The following TMEM132A variants were observed in gnomAD, a reference collection of about 807,000 sequenced individuals.
TMEM132A encodes transmembrane protein 132A.
Under a neutral mutation model 69.9 loss-of-function variants are expected in TMEM132A, and 48 were observed. The ratio of observed to expected loss-of-function variants is 0.69; its 90% confidence interval spans 0.55 to 0.87. TMEM132A has a LOEUF of 0.87. TMEM132A is among the 40% of genes least tolerant of loss of function. TMEM132A has a pLI of 0.00. For synonymous variants in TMEM132A, 577 were observed against 613.7 expected (o/e 0.94, Z 0.88); for missense variants, 1,287 against 1,407.2 (o/e 0.91, Z 1.37).
Position 60,935,663 on chromosome 11 carries a change from T to A in TMEM132A, c.2029-201T>A. On this transcript the variant is annotated intron_variant, in intron 10 of 10. Transcript: ENST00000453848. This position sits in a 1 kb window ranked among gnomAD's most constrained non-coding sequence, Gnocchi z 5.0. ...GTTAGATGGCTCTAACTGAGGACCC[T>A]CCCAATAACTCAGACCCTAGGGCTG... is the stretch of plus-strand genomic sequence containing the variant. 1 of 774,746 alleles carries A rather than the reference T, an allele frequency of 1.3e-6. No individual in the cohort carries two copies. The highest frequency in any genetic ancestry group is 2.9e-5 in the Admixed American group (1 of 34,900). 48.0% of individuals were successfully genotyped at this position (774,746 alleles called of 1,614,324 possible).
At chr11:60,934,375 C>G in intron 8 of TMEM132A, 113 bp from the exon 9 acceptor site, 8 of 983,280 alleles carry the variant, frequency 8.1e-6, no homozygotes, top group Non-Finnish European at 9.5e-6. Flanking sequence ...GAAACAGGAG[C>G]TGCTGGTGAT....
intron 4 of TMEM132A, among the ~76,000 whole-genome samples, chr11:60,929,732 C>G (rs923914607): frequency 7.2e-5 from 11 of 152,168 alleles, no homozygotes; most frequent in Non-Finnish European, 1.3e-4. Flanking sequence ...GTTTCAAGCC[C>G]TGCCTGGGTT....
Position 60,936,762 on chromosome 11 carries a change from C to T in TMEM132A, c.2927C>T (p.Ser976Leu), listed in dbSNP as rs780475521. Residue 976 changes from serine to leucine, a missense_variant, in exon 11 of 11, where the codon TCA becomes TTA. Ser to Leu is a moderately radical substitution (Grantham distance 145). Coordinates refer to ENST00000453848, the MANE Select transcript of TMEM132A (RefSeq NM_178031.3). ...VTFAPAPPAQ[S>L]PEEPVGAPAV... Reference sequence around the variant, plus strand: ...TTTGCGCCAGCCCCTCCAGCCCAGTCACCTGAGGAGCCTGTAGGGGCCCCT... The same window carrying T: ...TTTGCGCCAGCCCCTCCAGCCCAGTTACCTGAGGAGCCTGTAGGGGCCCCT... 14 of 1,611,222 alleles carry T rather than the reference C, an allele frequency of 8.7e-6. No homozygotes were observed. Among genetic ancestry groups the T allele is most frequent in the Non-Finnish European group, 9.3e-6 (11 of 1,179,030 alleles).
chr11:60,927,175 C>G, intron 1 of TMEM132A, 29 bp from the exon 2 acceptor site: 1 of 1,587,628 alleles, frequency 6.3e-7, no homozygotes, highest in Non-Finnish European at 8.6e-7. Context: ...CTGGAGCTGT[C>G]ATCATCTCTC....
intron 2 of TMEM132A, 85 bp downstream of exon 2, chr11:60,927,503 C>T (rs1856372663): frequency 6.9e-7 from 1 of 1,449,974 alleles, no homozygotes; most frequent in Non-Finnish European, 9.4e-7. Context: ...CCTTCCCCAG[C>T]CCCGGCTGTG....
chr11:60,936,535 TGACCAGGAGGAACTGAGCCGCCAGCTG>T lies in TMEM132A; in HGVS notation c.2705_2731del (p.Gln902_Asp910del). ...CCCACAACTGGGTCTGGCTGGGCACTGACCAGGAGGAACTGAGCCGCCAGCTGGACCGGCAGTCCCCTGGCCCGCCCA... is the reference window on the plus strand; with the variant it reads ...CCCACAACTGGGTCTGGCTGGGCACTGACCGGCAGTCCCCTGGCCCGCCCA... On this transcript the variant is annotated inframe_deletion, in exon 11 of 11. Transcript: ENST00000453848. 6.2e-7 allele frequency: 1 copy of T among 1,613,238 alleles called. No individual in the cohort carries two copies. Among genetic ancestry groups the T allele is most frequent in the South Asian group, 1.1e-5 (1 of 91,072 alleles).
chr11:60,936,087 G>T lies in TMEM132A; in HGVS notation c.2252G>T (p.Gly751Val). ...CACCCGCCCGAGCCCTGCCGCCGGG[G>T]CCGCCACCGTGTGCCTCTGGCCTCT... ...ALHPPEPCRR[G>V]RHRVPLASGT... is the part of the protein sequence containing the mutation. The change falls in exon 11 of 11, where the codon GGC (glycine) becomes GTC (valine). Residue 751 changes from glycine (G) to valine (V), a missense_variant. Gly to Val is a moderately radical substitution (Grantham distance 109, BLOSUM62 -3). Coordinates refer to ENST00000453848, the MANE Select transcript of TMEM132A (RefSeq NM_178031.3). 2 of 1,609,656 alleles carry T rather than the reference G, an allele frequency of 1.2e-6. No homozygotes were observed.
rs989922014 is a variant in TMEM132A, at chr11:60,936,184, C to T, written c.2349C>T (p.Ser783=). Residue 783 remains serine, a synonymous_variant, in exon 11 of 11, where the codon AGC becomes AGT. Coordinates refer to ENST00000453848, the MANE Select transcript of TMEM132A (RefSeq NM_178031.3). ...APALPSSPAW[S]PPATEATMGG... ...CTCTCCCATCCAGCCCTGCTTGGAG[C>T]CCACCAGCCACAGAAGCCACCATGG... 6 of 1,613,988 alleles carry T rather than the reference C, an allele frequency of 3.7e-6. No individual in the cohort carries two copies. The highest frequency in any genetic ancestry group is 4.2e-6 in the Non-Finnish European group (5 of 1,179,920).
At chr11:60,930,220 G>A (rs1324974668) in intron 4 of TMEM132A, among the ~76,000 whole-genome samples, 1 of 152,172 alleles carries the variant, frequency 6.6e-6, no homozygotes, top group African/African-American at 2.4e-5. Context: ...TGCATGGAGA[G>A]ATGTCACAAC....
At chr11:60,930,754 TC>T (rs1590626028) in intron 5 of TMEM132A, 95 bp downstream of exon 5, 1 of 1,289,862 alleles carries the variant, frequency 7.8e-7, no homozygotes, top group Non-Finnish European at 1.0e-6. Flanking sequence ...TGCCTCTAGA[TC>T]CCCAGGTGAG....
rs1211964265 is a variant in TMEM132A at position 60,927,604 on chromosome 11, G to A, written c.316-37G>A. ...ATCTTCCTAGATCTTCCCCTCCCAA[G>A]CTCCTCTTTTGTTAAGCCCTCTCAT... On this transcript the variant is annotated intron_variant, in intron 2 of 10. Transcript: ENST00000453848. 1.9e-6 allele frequency: 3 copies of A among 1,568,554 alleles called. No homozygotes were observed. In the African/African-American group the frequency reaches 4.1e-5, roughly 21 times the overall value.
At chr11:60,924,766 G>C in intron 1 of TMEM132A, 33 bp downstream of exon 1, 2 of 1,418,894 alleles carry the variant, frequency 1.4e-6, no homozygotes, top group African/African-American at 1.5e-5. Context: ...GGCGAGGGGC[G>C]GCCGGGCCCG....
In TMEM132A at chr11:60,933,727, A is replaced by C. The variant is rs1856531052; in HGVS notation, c.1542A>C (p.Val514=). 5.1e-6 allele frequency: 8 copies of C among 1,582,488 alleles called. No homozygotes were observed. Among genetic ancestry groups the C allele is most frequent in the Non-Finnish European group, 6.9e-6 (8 of 1,165,752 alleles). The stretch of plus-strand genomic sequence containing the variant: ...TCGAGCAGGTCCGCGGCTGGAGGGT[A>C]CCTGGCCCTGCTGAAGGGTGAGTGG... ...TTLEQVRGWR[V]PGPAEGPAEP... The change falls in exon 8 of 11, where the codon GTA becomes GTC. Residue 514 remains valine (V), a synonymous_variant. Transcript: ENST00000453848.
Position 60,924,690 on chromosome 11 carries a change from C to T in TMEM132A, c.57C>T (p.Pro19=), listed in dbSNP as rs772749752. 3 of 1,591,582 alleles carry T rather than the reference C, an allele frequency of 1.9e-6. No homozygotes were observed. Among genetic ancestry groups the T allele is most frequent in the South Asian group, 1.1e-5 (1 of 90,056 alleles). The change falls in exon 1 of 11, where the codon CCC becomes CCT. Residue 19 remains proline (P), a synonymous_variant. Transcript: ENST00000453848. ...CGGCCCCTCGGGGGCCCTACGGCCC[C>T]TGGCTCTGCCTCCTGGTGGCCCTCG... ...TTAAPRGPYG[P]WLCLLVALAL... is the part of the protein sequence containing the mutation.
chr11:60,935,570 G>GAAAACCC lies in TMEM132A; in HGVS notation c.2028+127_2028+128insAAAACCC. ...GGTTTTCAGAGTGAGGACTGACTCT[G>GAAAACCC]TGAGGTAGTGAGCTCTCTGCAGCTG... is the stretch of plus-strand genomic sequence containing the variant. On this transcript the variant is annotated intron_variant, in intron 10 of 10. Transcript: ENST00000453848. This position sits in a 1 kb window ranked among gnomAD's most constrained non-coding sequence, Gnocchi z 5.0. 1 of 1,011,834 alleles carries GAAAACCC rather than the reference G, an allele frequency of 9.9e-7. No individual in the cohort carries two copies. Among genetic ancestry groups the GAAAACCC allele is most frequent in the Non-Finnish European group, 1.4e-6 (1 of 697,474 alleles). 62.7% of individuals were successfully genotyped at this position (1,011,834 alleles called of 1,614,324 possible).
chr11:60,934,148 A>G, intron 8 of TMEM132A: 1 of 368,490 alleles, frequency 2.7e-6, no homozygotes, highest in Non-Finnish European at 4.8e-6. Flanking sequence ...GGGGCTCCCC[A>G]AAACCCAGGG....
intron 9 of TMEM132A, 36 bp downstream of exon 9, chr11:60,934,800 A>G (rs762278723): frequency 6.4e-7 from 1 of 1,555,904 alleles, no homozygotes; most frequent in South Asian, 1.2e-5. Context: ...AGACCCCCTG[A>G]GAAGGGTGGA....
chr11:60,934,077 T>C lies in TMEM132A; in HGVS notation c.1559+333T>C, dbSNP rs1856539013. On this transcript the variant is annotated intron_variant, in intron 8 of 10. Transcript: ENST00000453848. The stretch of plus-strand genomic sequence containing the variant: ...GCCCCTTGAAGCTGCGGTCTGTCTA[T>C]GCTGGTCGTACCCTCAGAGCCTAAG... 6 of 423,408 alleles carry C rather than the reference T, an allele frequency of 1.4e-5. No homozygotes were observed. The South Asian group carries it at 2.7e-4, about 19-fold the overall frequency. The allele number at this position is 423,408 out of a possible 1,614,324, so 26.2% of individuals were successfully genotyped here.
chr11:60,930,668 T>A lies in TMEM132A; in HGVS notation c.1016+9T>A, dbSNP rs1185615685. 1.2e-6 allele frequency: 2 copies of A among 1,603,382 alleles called. No homozygotes were observed. The highest frequency in any genetic ancestry group is 1.7e-6 in the Non-Finnish European group (2 of 1,175,396). On this transcript the variant is annotated intron_variant, in intron 5 of 10. Coordinates refer to ENST00000453848, the MANE Select transcript of TMEM132A (RefSeq NM_178031.3). ...ACAGAGCCAGATTCCAGGTGGGCAG[T>A]TTCCCTCCACCCAGGGGGCAAAGGA... is the stretch of plus-strand genomic sequence containing the variant.
Sources: gnomAD v4.1 joint callset for allele counts (sites outside exome capture counted in the v4.1 genomes callset) on GRCh38, gnomAD v4.1.1 for gene constraint, Gnocchi (gnomAD v3.1) non-coding constraint, MANE v1.5 for transcripts, NCBI Gene and HGNC (gene_info 2026-07-23, HGNC 2026-07-21) for gene names.